The following LIPC variants were observed in gnomAD, a reference collection of about 807,000 sequenced individuals.
LIPC encodes hepatic triacylglycerol lipase.
A neutral mutation model predicts 50.7 loss-of-function variants in LIPC; 44 were observed. The ratio of observed to expected loss-of-function variants is 0.87; its 90% CI spans 0.68 to 1.11. The LOEUF (loss-of-function observed/expected upper bound fraction) is 1.11, where lower values mean the gene tolerates loss of function less well. Ranked by LOEUF, LIPC falls within the 50% of genes most tolerant of loss-of-function variation. The probability of loss-of-function intolerance (pLI) is 0.00; values close to 1 mark genes in which losing one functional copy is unlikely to be tolerated. For missense variants in LIPC, 697 were observed against 648.2 expected, an observed-to-expected ratio of 1.08 and a Z score of -0.82; for synonymous variants, 271 against 256.4, an observed-to-expected ratio of 1.06 and a Z score of -0.54.
chr15:58,557,587 G>T (rs571815435), intron 6 of LIPC, among the ~76,000 whole-genome samples: 200 of 151,884 alleles, frequency 1.3e-3, no homozygotes, highest in African/African-American at 3.7e-3. Context: ...GGGTTTCACC[G>T]TGTTAGCCAG....
intron 1 of LIPC, among the ~76,000 whole-genome samples, chr15:58,449,301 C>T (rs1336283752): frequency 1.3e-5 from 2 of 152,156 alleles, no homozygotes; most frequent in Non-Finnish European, 1.5e-5. Flanking sequence ...GTTGTATTTG[C>T]AAGGATGCTC....
intron 1 of LIPC, among the ~76,000 whole-genome samples, chr15:58,466,704 G>A (rs1894576864): frequency 6.6e-6 from 1 of 152,116 alleles, no homozygotes; most frequent in African/African-American, 2.4e-5. Context: ...TGCATCAAAG[G>A]TCATCTTCTA....
intron 6 of LIPC, among the ~76,000 whole-genome samples, chr15:58,551,344 C>T (rs1893751417): frequency 6.6e-6 from 1 of 152,152 alleles, no homozygotes; most frequent in Non-Finnish European, 1.5e-5. Flanking sequence ...TGGGATACTG[C>T]TATCTATATA....
chr15:58,507,552 G>A (rs1031706403), intron 1 of LIPC, among the ~76,000 whole-genome samples: 73 of 152,196 alleles, frequency 4.8e-4, no homozygotes, highest in African/African-American at 1.7e-3. Flanking sequence ...TTTGGAAAAC[G>A]AAAAGAGCTC....
chr15:58,452,350 C>T (rs1893932769), intron 1 of LIPC, among the ~76,000 whole-genome samples: 1 of 152,148 alleles, frequency 6.6e-6, no homozygotes, highest in South Asian at 2.1e-4. Flanking sequence ...TGTATTTGAT[C>T]CAATCCATCA....
At chr15:58,561,177 T>A (rs138013829) in intron 7 of LIPC, among the ~76,000 whole-genome samples, 196 bp downstream of exon 7, 57 of 152,342 alleles carry the variant, frequency 3.7e-4, no homozygotes, top group African/African-American at 1.3e-3. Context: ...TGACACAGCC[T>A]CAGGAGGTCC....
chr15:58,480,383 T>G (rs1891145286), intron 1 of LIPC, among the ~76,000 whole-genome samples: 1 of 152,104 alleles, frequency 6.6e-6, no homozygotes. Context: ...CAACCTCTGT[T>G]TCCTGGGTTC....
At chr15:58,475,286 G>C (rs1595881000) in intron 1 of LIPC, among the ~76,000 whole-genome samples, 2 of 152,148 alleles carry the variant, frequency 1.3e-5, no homozygotes, top group Non-Finnish European at 2.9e-5. Flanking sequence ...CATAATCCAG[G>C]TGATCCTTCT....
chr15:58,515,000 G>A (rs563111827), intron 1 of LIPC, among the ~76,000 whole-genome samples: 1 of 152,296 alleles, frequency 6.6e-6, no homozygotes, highest in East Asian at 1.9e-4. Flanking sequence ...GACAGAATCC[G>A]TTTCCTCACC....
At chr15:58,558,393 A>G (rs978973276) in intron 6 of LIPC, among the ~76,000 whole-genome samples, 1 of 152,106 alleles carries the variant, frequency 6.6e-6, no homozygotes, top group Non-Finnish European at 1.5e-5. Context: ...CTTCTCACCC[A>G]CAGCCTCTTT....
chr15:58,540,474 G>T (rs1312918788), intron 2 of LIPC, among the ~76,000 whole-genome samples: 1 of 152,108 alleles, frequency 6.6e-6, no homozygotes, highest in Non-Finnish European at 1.5e-5. Flanking sequence ...ACTTGCCCAA[G>T]GTTACTCAGC....
chr15:58,514,751 G>A (rs923164018), intron 1 of LIPC, among the ~76,000 whole-genome samples: 5 of 152,204 alleles, frequency 3.3e-5, no homozygotes, highest in African/African-American at 9.7e-5. Flanking sequence ...CTGAACCCAG[G>A]AGGCAGAGGT....
rs769037569 is a variant in LIPC at position 58,560,969 on chromosome 15, T to C, written c.1157T>C (p.Ile386Thr). 6.6e-6 allele frequency: 10 copies of C among 1,514,390 alleles called. No individual in the cohort carries two copies. The African/African-American group carries it at 8.2e-5, about 12-fold the overall frequency. 93.8% of individuals were successfully genotyped at this position (1,514,390 alleles called of 1,614,324 possible). ...LLGTKEKMQK[I>T]PITLGKGIAS... is the part of the protein sequence containing the mutation. ...GGAACAAAAGAGAAAATGCAGAAAA[T>C]TCCCATCACTCTGTGAGTAGGAGGT... Residue 386 changes from isoleucine (I) to threonine (T), a missense_variant, in exon 7 of 9, where the codon ATT (isoleucine) becomes ACT (threonine). Ile to Thr is a moderately conservative substitution (Grantham distance 89, BLOSUM62 -1). Transcript: ENST00000299022.
chr15:58,496,954 G>T (rs1891793376), intron 1 of LIPC, among the ~76,000 whole-genome samples: 1 of 152,104 alleles, frequency 6.6e-6, no homozygotes, highest in Non-Finnish European at 1.5e-5. Context: ...CAAAGTGCTG[G>T]GATTACAGGC....
At chr15:58,495,313 C>T (rs1283259689) in intron 1 of LIPC, among the ~76,000 whole-genome samples, 9 of 152,218 alleles carry the variant, frequency 5.9e-5, no homozygotes, top group African/African-American at 2.2e-4. Flanking sequence ...TTATGGCCTC[C>T]TCCCTTTCCT....
chr15:58,565,996 T>C (rs1894353035), intron 8 of LIPC: 2 of 984,946 alleles, frequency 2.0e-6, no homozygotes, highest in Non-Finnish European at 1.2e-6. Flanking sequence ...ATGAATTAAT[T>C]TTACTAACGG....
At chr15:58,529,812 T>A (rs867599922) in intron 1 of LIPC, among the ~76,000 whole-genome samples, 1 of 151,978 alleles carries the variant, frequency 6.6e-6, no homozygotes, top group Non-Finnish European at 1.5e-5. Flanking sequence ...CCTTTCTGGG[T>A]CCCAGTTTCT....
chr15:58,565,348 C>G (rs1008608009), intron 8 of LIPC: 148 of 1,529,226 alleles, frequency 9.7e-5, no homozygotes, highest in Middle Eastern at 1.9e-4. Flanking sequence ...GCTGCTCACC[C>G]TGACAATCCC....
intron 1 of LIPC, among the ~76,000 whole-genome samples, chr15:58,492,452 C>T (rs567657043): frequency 6.6e-6 from 1 of 152,236 alleles, no homozygotes; most frequent in East Asian, 1.9e-4. Flanking sequence ...CTGTACTAAG[C>T]ATTCTCCTAC....
Sources: allele counts gnomAD v4.1 joint callset (sites outside exome capture counted in the v4.1 genomes callset), GRCh38; gene constraint gnomAD v4.1.1; transcripts MANE v1.5; gene names NCBI Gene and HGNC (gene_info 2026-07-23, HGNC 2026-07-21).